PHF3: variants seen among roughly 807,000 people sequenced by gnomAD.
PHF3 encodes PHD finger protein 3.
A neutral mutation model predicts 178.4 loss-of-function variants in PHF3; 41 were observed. The observed-to-expected ratio is 0.23, with a 90% CI of 0.18 to 0.30. The LOEUF is 0.30. PHF3 is among the 10% of genes least tolerant of loss of function. The probability of loss-of-function intolerance (pLI) is 1.00; values close to 1 mark genes in which losing one functional copy is unlikely to be tolerated. For missense variants in PHF3, 2,346 were observed against 2,398.1 expected (o/e 0.98, Z 0.45); for synonymous variants, 842 against 800.5 (o/e 1.05, Z -0.88).
chr6:63,649,096 T>A (rs1764913147), intron 2 of PHF3, among the ~76,000 whole-genome samples: 1 of 151,488 alleles, frequency 6.6e-6, no homozygotes, highest in African/African-American at 2.4e-5. Flanking sequence ...ATTTATTTAT[T>A]TATTTATTTA....
At chr6:63,696,515 C>G (rs551760548) in intron 6 of PHF3, among the ~76,000 whole-genome samples, 1 of 152,076 alleles carries the variant, frequency 6.6e-6, no homozygotes, top group Non-Finnish European at 1.5e-5. Context: ...GATGGTGTTT[C>G]GTTATGTTGG....
At chr6:63,710,254 C>G (rs1416339758) in intron 14 of PHF3, among the ~76,000 whole-genome samples, 1 of 152,142 alleles carries the variant, frequency 6.6e-6, no homozygotes, top group African/African-American at 2.4e-5. Context: ...GAGAATCACT[C>G]TTGAATCCAC....
Position 63,713,081 on chromosome 6 carries a change from T to C in PHF3, c.5493T>C (p.Phe1831=). ...TTCCCCCACAAAGCATGTTTGGATT[T>C]CCACCACATTTGCCACCTCCATTAC... ...PNFPPQSMFG[F]PPHLPPPLLP... The change falls in exon 16 of 16, where the codon TTT becomes TTC. Residue 1831 remains phenylalanine, a synonymous_variant. Transcript: ENST00000262043. 1 of 1,614,054 alleles carries C rather than the reference T, an allele frequency of 6.2e-7. No homozygotes were observed. The highest frequency in any genetic ancestry group is 8.5e-7 in the Non-Finnish European group (1 of 1,179,974).
chr6:63,645,103 C>G (rs1318784278), intron 1 of PHF3, among the ~76,000 whole-genome samples: 1 of 151,926 alleles, frequency 6.6e-6, no homozygotes, highest in Non-Finnish European at 1.5e-5. Context: ...AGGCTGGTCT[C>G]CAACTCCTGG....
In PHF3 at chr6:63,723,079, A is replaced by T. The variant is rs566378896; in HGVS notation, c.*9371A>T. 1.3e-5 allele frequency among the ~76,000 whole-genome samples: 2 copies of T among 152,288 alleles called. No homozygotes were observed. The highest frequency in any genetic ancestry group is 3.9e-4 in the East Asian group (2 of 5,192). On this transcript the variant is annotated 3_prime_UTR_variant, in exon 16 of 16. Transcript: ENST00000262043. ...TAGATGCTAAATAATTATTAAATAA[A>T]GAAATACGTTTGTAGGGTTGTGGGT...
At chr6:63,663,849 T>G (rs1765570207) in intron 2 of PHF3, among the ~76,000 whole-genome samples, 1 of 152,140 alleles carries the variant, frequency 6.6e-6, no homozygotes, top group Non-Finnish European at 1.5e-5. Flanking sequence ...TAATTTGAGA[T>G]GGCCCCTTCA....
chr6:63,706,683 A>T, intron 12 of PHF3, 46 bp from the exon 13 acceptor site: 1 of 1,587,680 alleles, frequency 6.3e-7, no homozygotes, highest in Non-Finnish European at 8.6e-7. Context: ...TAGGACATTG[A>T]TTTATTCATC....
At chr6:63,657,555 C>G (rs899597891) in intron 2 of PHF3, among the ~76,000 whole-genome samples, 6 of 152,102 alleles carry the variant, frequency 3.9e-5, no homozygotes, top group Non-Finnish European at 7.4e-5. Context: ...ATTTAATATT[C>G]ATTAAGTGGA....
intron 2 of PHF3, among the ~76,000 whole-genome samples, chr6:63,666,066 G>A (rs1212021926): frequency 3.3e-5 from 5 of 152,118 alleles, no homozygotes; most frequent in Non-Finnish European, 7.4e-5. Context: ...ATCATAGATT[G>A]ATTGTCATGT....
In PHF3 at chr6:63,719,619, A is replaced by G. The variant is rs1030221829; in HGVS notation, c.*5911A>G. Among the ~76,000 whole-genome samples the G allele has an allele frequency of 6.6e-6, 1 of 152,048 alleles. No individual in the cohort carries two copies. The highest frequency in any genetic ancestry group is 1.5e-5 in the Non-Finnish European group (1 of 67,984). ...TATCAGTAACTGTTTTGGGAAAAAT[A>G]ATATTTTTTCAAGTTATGCTATCAA... On this transcript the variant is annotated 3_prime_UTR_variant, in exon 16 of 16. Coordinates refer to ENST00000262043, the MANE Select transcript of PHF3 (RefSeq NM_001370348.2).
At chr6:63,709,129 T>TC (rs747399481) in intron 13 of PHF3, 22 bp from the exon 14 acceptor site, 373 of 180,028 alleles carry the variant, frequency 2.1e-3, no homozygotes, top group African/African-American at 7.8e-3. Flanking sequence ...TATTGATCTC[T>TC]TTTTTTTTTT....
At position 63,685,262 on chromosome 6, in the gene PHF3, T is replaced by C. The variant is rs753522569; in HGVS notation, c.1540T>C (p.Tyr514His). 1.2e-6 allele frequency: 2 copies of C among 1,614,018 alleles called. No individual in the cohort carries two copies. The highest frequency in any genetic ancestry group is 2.2e-5 in the South Asian group (2 of 91,068). ...TCCGAAGAAAATTGTTGCAGCAAAG[T>C]ATGAAGTAATACATAGCAAAACTAA... ...DAPKKIVAAK[Y>H]EVIHSKTKVN... is the part of the protein sequence containing the mutation. Residue 514 changes from tyrosine (Y) to histidine (H), a missense_variant, in exon 4 of 16, where the codon TAT becomes CAT. Around this residue, in one of 8 missense-constraint regions of PHF3, gnomAD observed 843 missense variants for 795.2 expected, o/e 1.06. Transcript: ENST00000262043.
chr6:63,700,126 C>T (rs1355280345), intron 8 of PHF3, among the ~76,000 whole-genome samples: 3 of 151,096 alleles, frequency 2.0e-5, no homozygotes, highest in African/African-American at 7.4e-5. Flanking sequence ...TTCTACTGTA[C>T]ATGCTTCTCC....
At position 63,720,514 on chromosome 6, in the gene PHF3, C is replaced by A; in HGVS notation, c.*6806C>A. On this transcript the variant is annotated 3_prime_UTR_variant, in exon 16 of 16. Transcript: ENST00000262043. ...CAGGTAATATAGTAAACAGTTGATT[C>A]CCCGTAAGCAATGTATCAAAGAAAT... 1.0e-6 allele frequency: 1 copy of A among 993,626 alleles called. No homozygotes were observed. The allele number at this position is 993,626 out of a possible 1,614,324, so 61.6% of individuals were successfully genotyped here.
At position 63,723,106 on chromosome 6, in the gene PHF3, G is replaced by T. The variant is rs530374559; in HGVS notation, c.*9398G>T. On this transcript the variant is annotated 3_prime_UTR_variant, in exon 16 of 16. Coordinates refer to ENST00000262043, the MANE Select transcript of PHF3 (RefSeq NM_001370348.2). ...AAATACGTTTGTAGGGTTGTGGGTT[G>T]AGATGACTCAGAATATTTCTCAAAT... Among the ~76,000 whole-genome samples, 1 of 152,292 alleles carries T rather than the reference G, an allele frequency of 6.6e-6. No individual in the cohort carries two copies. Among genetic ancestry groups the T allele is most frequent in the South Asian group, 2.1e-4 (1 of 4,824 alleles).
At chr6:63,672,711 TGG>T (rs1765972858) in intron 2 of PHF3, among the ~76,000 whole-genome samples, 1 of 152,192 alleles carries the variant, frequency 6.6e-6, no homozygotes, top group Admixed American at 6.5e-5. Context: ...TGAGTCCTTG[TGG>T]ATGAGCCGTA....
At chr6:63,692,268 T>C (rs1487988655) in intron 5 of PHF3, among the ~76,000 whole-genome samples, 2 of 152,196 alleles carry the variant, frequency 1.3e-5, no homozygotes, top group Non-Finnish European at 2.9e-5. Flanking sequence ...ACAGTCTTTT[T>C]TGCCATTTCT....
At position 63,713,865 on chromosome 6, in the gene PHF3, T is replaced by C. The variant is rs1768087015; in HGVS notation, c.*157T>C. 8.7e-6 allele frequency: 5 copies of C among 576,420 alleles called. No homozygotes were observed. In the East Asian group the frequency reaches 1.5e-4, roughly 17 times the overall value. 35.7% of individuals were successfully genotyped at this position (576,420 alleles called of 1,614,324 possible). A position where few individuals can be genotyped will look rare whatever the true frequency, so the allele number is the denominator to read the frequency against. ...AATTCTGTGTGTTGGTACAGAGTGC[T>C]CTGTACCAGTGCTCATCATCCCTTC... On this transcript the variant is annotated 3_prime_UTR_variant, in exon 16 of 16. Transcript: ENST00000262043.
At chr6:63,669,409 A>G (rs1765813789) in intron 2 of PHF3, among the ~76,000 whole-genome samples, 1 of 152,174 alleles carries the variant, frequency 6.6e-6, no homozygotes, top group African/African-American at 2.4e-5. Context: ...TACACTAGGA[A>G]AAAAATTGCT....
Sources: allele counts gnomAD v4.1 joint callset (sites outside exome capture counted in the v4.1 genomes callset), GRCh38; gene constraint gnomAD v4.1.1; regional missense constraint gnomAD v4.1.1; transcripts MANE v1.5; gene names NCBI Gene and HGNC (gene_info 2026-07-23, HGNC 2026-07-21).